The following TTPA variants were observed in gnomAD, a reference collection of about 807,000 sequenced individuals.
TTPA encodes alpha tocopherol transfer protein.
Under a neutral mutation model 25.9 loss-of-function variants are expected in TTPA, and 23 were observed. The ratio of observed to expected loss-of-function variants is 0.89; its 90% CI spans 0.64 to 1.26. The LOEUF (loss-of-function observed/expected upper bound fraction) is 1.26. Ranked by LOEUF, TTPA falls within the 50% of genes most tolerant of loss-of-function variation. The pLI is 0.00. For missense variants in TTPA, 337 were observed against 353.1 expected (o/e 0.95, Z 0.37); for synonymous variants, 148 against 137.3 (o/e 1.08, Z -0.54).
At chr8:63,084,482 T>C (rs1030201357) in intron 1 of TTPA, among the ~76,000 whole-genome samples, 1 of 152,174 alleles carries the variant, frequency 6.6e-6, no homozygotes, top group Admixed American at 6.5e-5. Flanking sequence ...TAGATACATT[T>C]TAATATAGTC....
chr8:63,069,000 C>T (rs188470528), intron 2 of TTPA, among the ~76,000 whole-genome samples: 33 of 151,878 alleles, frequency 2.2e-4, no homozygotes, highest in Middle Eastern at 6.8e-3. Flanking sequence ...ACTAACAATA[C>T]AAAAATTAGC....
intron 1 of TTPA, among the ~76,000 whole-genome samples, chr8:63,079,599 A>G (rs1563365173): frequency 6.6e-6 from 1 of 152,224 alleles, no homozygotes; most frequent in South Asian, 2.1e-4. Context: ...ATAATGGTAA[A>G]GGGATCAATT....
intron 1 of TTPA, among the ~76,000 whole-genome samples, chr8:63,080,089 G>A (rs1017661168): frequency 1.3e-5 from 2 of 152,158 alleles, no homozygotes; most frequent in African/African-American, 2.4e-5. Flanking sequence ...ATAATGAAAT[G>A]AAGGCAGAAA....
At chr8:63,073,933 C>T (rs190808432) in intron 1 of TTPA, among the ~76,000 whole-genome samples, 58 of 152,148 alleles carry the variant, frequency 3.8e-4, no homozygotes, top group African/African-American at 1.4e-3. Flanking sequence ...TAATCATATA[C>T]GCAAACATAC....
At position 63,086,016 on chromosome 8, in the gene TTPA, T is replaced by A. The variant is rs1805748956; in HGVS notation, c.6A>T (p.Ala2=). 2 of 1,432,650 alleles carry A rather than the reference T, an allele frequency of 1.4e-6. No individual in the cohort carries two copies. Among genetic ancestry groups the A allele is most frequent in the Non-Finnish European group, 1.8e-6 (2 of 1,095,924 alleles). 88.7% of individuals were successfully genotyped at this position (1,432,650 alleles called of 1,614,324 possible). M[A]EARSQPSAGP... is the part of the protein sequence containing the mutation. ...CCGCCGAGGGCTGGGATCGCGCCTC[T>A]GCCATGCCCGCCGCCGCTGCTGCGG... Residue 2 remains alanine (A), a synonymous_variant, in exon 1 of 5, where the codon GCA becomes GCT. Transcript: ENST00000260116.
intron 1 of TTPA, among the ~76,000 whole-genome samples, chr8:63,084,898 AAAC>A (rs1328765820): frequency 1.3e-5 from 2 of 152,202 alleles, no homozygotes; most frequent in African/African-American, 4.8e-5. Flanking sequence ...ACTCTAAAAC[AAAC>A]AAGAGAAACC....
At chr8:63,080,622 G>A (rs968163727) in intron 1 of TTPA, among the ~76,000 whole-genome samples, 1 of 151,664 alleles carries the variant, frequency 6.6e-6, no homozygotes, top group Non-Finnish European at 1.5e-5. Context: ...CTGGGAGGCT[G>A]AGGTGGGAGA....
At chr8:63,084,190 G>T (rs901969438) in intron 1 of TTPA, among the ~76,000 whole-genome samples, 1 of 152,084 alleles carries the variant, frequency 6.6e-6, no homozygotes, top group Non-Finnish European at 1.5e-5. Flanking sequence ...CCTTTGGAAG[G>T]CACTGAAAAC....
Position 63,061,173 on chromosome 8 carries a change from C to A in TTPA, c.*79G>T. 1 of 1,443,174 alleles carries A rather than the reference C, an allele frequency of 6.9e-7. No individual in the cohort carries two copies. The highest frequency in any genetic ancestry group is 1.2e-5 in the South Asian group (1 of 85,432). The allele number at this position is 1,443,174 out of a possible 1,614,324, so 89.4% of individuals were successfully genotyped here. A position where few individuals can be genotyped will look rare whatever the true frequency, so the allele number is the denominator to read the frequency against. ...AAGCATTAGTTTAAAAGATTTGCTC[C>A]TTTTCTTTCATTCATTTAACCAGGT... On this transcript the variant is annotated 3_prime_UTR_variant, in exon 5 of 5. Coordinates refer to ENST00000260116, the MANE Select transcript of TTPA (RefSeq NM_000370.3).
At position 63,061,298 on chromosome 8, in the gene TTPA, A is replaced by G; in HGVS notation, c.791T>C (p.Met264Thr). ...DICQEWTNFIMKSEDYLSSIS... is the reference protein window; with the variant it reads ...DICQEWTNFITKSEDYLSSIS... ...GCTGCTGAGATAATCTTCAGACTTC[A>G]TTATAAAATTTGTCCATTCCTGACA... The change falls in exon 5 of 5, where the codon ATG (methionine) becomes ACG (threonine). Residue 264 changes from methionine to threonine, a missense_variant. By Grantham distance (81) the Met-to-Thr change is moderately conservative. Coordinates refer to ENST00000260116, the MANE Select transcript of TTPA (RefSeq NM_000370.3). The G allele has an allele frequency of 1.2e-6, 2 of 1,613,894 alleles. No individual in the cohort carries two copies. The highest frequency in any genetic ancestry group is 1.7e-6 in the Non-Finnish European group (2 of 1,179,932).
intron 1 of TTPA, among the ~76,000 whole-genome samples, chr8:63,082,731 G>A (rs1297240638): frequency 6.6e-6 from 1 of 152,142 alleles, no homozygotes; most frequent in Non-Finnish European, 1.5e-5. Flanking sequence ...GAAAATTTTT[G>A]CAATCTACCC....
chr8:63,067,953 T>C (rs948400317), intron 2 of TTPA, among the ~76,000 whole-genome samples: 2 of 152,206 alleles, frequency 1.3e-5, no homozygotes, highest in Non-Finnish European at 2.9e-5. Context: ...ATGTCATTCG[T>C]TTTATGGCTG....
chr8:63,066,505 G>C (rs1473006852), intron 2 of TTPA, among the ~76,000 whole-genome samples: 3 of 152,168 alleles, frequency 2.0e-5, no homozygotes, highest in African/African-American at 7.2e-5. Flanking sequence ...AATGCATGAG[G>C]AACAGGCAGG....
intron 1 of TTPA, among the ~76,000 whole-genome samples, chr8:63,076,242 A>G (rs1055668004): frequency 2.0e-5 from 3 of 152,210 alleles, no homozygotes; most frequent in African/African-American, 7.2e-5. Context: ...CTATAAGCAC[A>G]TTAGCTATTA....
intron 1 of TTPA, among the ~76,000 whole-genome samples, chr8:63,075,491 G>A (rs1158519989): frequency 1.3e-5 from 2 of 151,980 alleles, no homozygotes; most frequent in African/African-American, 2.4e-5. Flanking sequence ...AGGCCAAAAC[G>A]GATGGATCAC....
rs899145715 is a variant in TTPA, at chr8:63,086,025, C to G, written c.-4G>C. On this transcript the variant is annotated 5_prime_UTR_variant, in exon 1 of 5. Transcript: ENST00000260116. ...GCTGGGATCGCGCCTCTGCCATGCC[C>G]GCCGCCGCTGCTGCGGCCGCAGCTA... 54 of 1,421,062 alleles carry G rather than the reference C, an allele frequency of 3.8e-5. No individual in the cohort carries two copies. Among genetic ancestry groups the G allele is most frequent in the Non-Finnish European group, 4.8e-5 (52 of 1,089,084 alleles). The allele number at this position is 1,421,062 out of a possible 1,614,324, so 88.0% of individuals were successfully genotyped here. A position where few individuals can be genotyped will look rare whatever the true frequency, so the allele number is the denominator to read the frequency against.
chr8:63,065,978 G>C lies in TTPA; in HGVS notation c.478C>G (p.Leu160Val), dbSNP rs767879332. 8.1e-6 allele frequency: 13 copies of C among 1,614,034 alleles called. No individual in the cohort carries two copies. The highest frequency in any genetic ancestry group is 3.3e-5 in the Admixed American group (2 of 59,988). The change falls in exon 3 of 5, where the codon CTG becomes GTG. Residue 160 changes from leucine (L) to valine (V), a missense_variant. Coordinates refer to ENST00000260116, the MANE Select transcript of TTPA (RefSeq NM_000370.3). Reference sequence around the variant, plus strand: ...GCATGAGAAAACTGCCAACCTTCCAGATCAAAGATAGCCTTGATTCCATTC... The same window carrying C: ...GCATGAGAAAACTGCCAACCTTCCACATCAAAGATAGCCTTGATTCCATTC... ...QRNGIKAIFD[L>V]EGWQFSHAFQ...
Position 63,085,197 on chromosome 8 carries a change from G to A in TTPA, c.204+621C>T, listed in dbSNP as rs139382533. On this transcript the variant is annotated intron_variant, in intron 1 of 4. Transcript: ENST00000260116. ...AACTCAAGGTCGCATCCCTCTTTCT[G>A]ATTCCTATCTTTCCATCACCTTTTC... Among the ~76,000 whole-genome samples, 854 of 152,258 alleles carry A rather than the reference G, an allele frequency of 5.6e-3. 9 individuals carry two copies. Among genetic ancestry groups the A allele is most frequent in the African/African-American group, 0.02 (829 of 41,558 alleles).
intron 2 of TTPA, among the ~76,000 whole-genome samples, chr8:63,067,952 G>A (rs983675114): frequency 5.3e-5 from 8 of 152,224 alleles, no homozygotes; most frequent in South Asian, 4.1e-4. Context: ...AATGTCATTC[G>A]TTTTATGGCT....
Sources: gnomAD v4.1 joint callset for allele counts (sites outside exome capture counted in the v4.1 genomes callset) on GRCh38, gnomAD v4.1.1 for gene constraint, MANE v1.5 for transcripts, NCBI Gene and HGNC (gene_info 2026-07-23, HGNC 2026-07-21) for gene names.